Variants in PTK2 observed in about 807,000 individuals in gnomAD.
PTK2 encodes the protein focal adhesion kinase 1.
PTK2 carries 45 observed loss-of-function variants against 150.1 expected under a neutral mutation model. That is an observed-to-expected ratio of 0.30 (90% CI 0.24 to 0.38). PTK2 has a LOEUF of 0.38. Among genes scored for constraint, PTK2 ranks in the 10% least tolerant of loss-of-function variants. PTK2 has a pLI of 1.00. For synonymous variants in PTK2, 432 were observed against 449.2 expected, an observed-to-expected ratio of 0.96 and a Z score of 0.48; for missense variants, 919 against 1,307.3, an observed-to-expected ratio of 0.70 and a Z score of 4.58.
At chr8:140,944,436 C>G (rs1356451999) in intron 1 of PTK2, among the ~76,000 whole-genome samples, 1 of 152,214 alleles carries the variant, frequency 6.6e-6, no homozygotes, top group African/African-American at 2.4e-5. Flanking sequence ...CTAAGCTTTA[C>G]TGTAAGGAAA....
intron 3 of PTK2, among the ~76,000 whole-genome samples, chr8:140,880,325 C>G (rs1193840316): frequency 1.3e-5 from 2 of 152,198 alleles, no homozygotes; most frequent in African/African-American, 4.8e-5. Flanking sequence ...GGAATGTTCC[C>G]TAGAGATGGT....
chr8:140,962,713 G>A (rs1455961280), intron 1 of PTK2, among the ~76,000 whole-genome samples: 7 of 152,026 alleles, frequency 4.6e-5, no homozygotes, highest in East Asian at 1.9e-4. Flanking sequence ...TCGGGGAGGC[G>A]GAGCTTGCAG....
At chr8:140,774,123 A>T (rs2100077081) in intron 14 of PTK2, among the ~76,000 whole-genome samples, 1 of 152,212 alleles carries the variant, frequency 6.6e-6, no homozygotes, top group Admixed American at 6.5e-5. Context: ...TTGAAAAATG[A>T]CAGACGATGT....
At chr8:140,778,606 C>T (rs760442496) in intron 14 of PTK2, among the ~76,000 whole-genome samples, 9 of 152,194 alleles carry the variant, frequency 5.9e-5, no homozygotes, top group Non-Finnish European at 1.0e-4. Flanking sequence ...TGTGGTTGTG[C>T]TATTCGCTTT....
At chr8:140,660,149 C>G (rs1010874964) in intron 31 of PTK2, among the ~76,000 whole-genome samples, 1 of 152,156 alleles carries the variant, frequency 6.6e-6, no homozygotes, top group Admixed American at 6.5e-5. Flanking sequence ...CCATGACTAA[C>G]TTCGTCTCCA....
At chr8:140,669,316 T>TATATACAC (rs2094314332) in intron 29 of PTK2, 26 of 129,506 alleles carry the variant, frequency 2.0e-4, no homozygotes, top group African/African-American at 6.2e-4. Flanking sequence ...TATATATATA[T>TATATACAC]ATATATATAT....
exon 2 of PTK2, chr8:140,925,680 AG>A: frequency 1.0e-6 from 1 of 985,188 alleles, no homozygotes; most frequent in Non-Finnish European, 1.2e-6. Context: ...GTTATTCTTG[AG>A]GAGCTCTGGG....
At chr8:140,979,413 A>G (rs1459481041) in intron 1 of PTK2, among the ~76,000 whole-genome samples, 1 of 152,114 alleles carries the variant, frequency 6.6e-6, no homozygotes. Flanking sequence ...AAAAAAAAAA[A>G]AAGGCCAGAA....
At chr8:140,882,354 ACACG>A (rs898133289) in intron 3 of PTK2, among the ~76,000 whole-genome samples, 3 of 152,194 alleles carry the variant, frequency 2.0e-5, no homozygotes, top group African/African-American at 7.2e-5. Flanking sequence ...CATATCACAC[ACACG>A]TACATTTAGA....
intron 4 of PTK2, among the ~76,000 whole-genome samples, chr8:140,866,951 T>A (rs1346473221): frequency 6.6e-6 from 1 of 152,020 alleles, no homozygotes; most frequent in East Asian, 1.9e-4. Context: ...ATAAAGGAGA[T>A]GAGGAAGGGA....
chr8:140,962,536 C>T (rs941245544), intron 1 of PTK2, among the ~76,000 whole-genome samples: 2 of 152,184 alleles, frequency 1.3e-5, no homozygotes, highest in African/African-American at 4.8e-5. Flanking sequence ...ACAGTCATCA[C>T]ACCTGTAATC....
At chr8:140,702,520 T>C (rs1762552618) in intron 25 of PTK2, 50 bp downstream of exon 28, 1 of 1,594,754 alleles carries the variant, frequency 6.3e-7, no homozygotes, top group African/African-American at 1.3e-5. Context: ...ATGCCCAGCT[T>C]TGCCATGCTT....
At chr8:140,930,364 T>G (rs1219989339) in intron 1 of PTK2, among the ~76,000 whole-genome samples, 1 of 152,204 alleles carries the variant, frequency 6.6e-6, no homozygotes, top group Non-Finnish European at 1.5e-5. Flanking sequence ...TTAAAACTCC[T>G]TTATCTTCTG....
At chr8:140,954,766 T>C (rs2100180675) in intron 1 of PTK2, 1 of 152,204 alleles carries the variant, frequency 6.6e-6, no homozygotes, top group Admixed American at 6.5e-5. Context: ...ACAATAACTC[T>C]GAAGAAATCA....
intron 20 of PTK2, 84 bp downstream of exon 23, chr8:140,743,146 A>T (rs191997462): frequency 1.2e-6 from 1 of 852,190 alleles, no homozygotes; most frequent in East Asian, 2.5e-5. Context: ...GTCAAAGATC[A>T]GGTGAGCATA....
chr8:140,808,703 AAG>A (rs1490397838), intron 10 of PTK2, among the ~76,000 whole-genome samples: 2 of 151,838 alleles, frequency 1.3e-5, no homozygotes, highest in Non-Finnish European at 2.9e-5. Flanking sequence ...TATAATGAAA[AAG>A]AGAAATAAAA....
intron 23 of PTK2, among the ~76,000 whole-genome samples, chr8:140,708,968 C>CA (rs34259948): frequency 0.076 from 10,021 of 132,394 alleles, 938 homozygotes; most frequent in African/African-American, 0.24. Flanking sequence ...TAAATTCAGG[C>CA]AAAAAAAAAA....
chr8:140,937,233 T>C (rs1339050439), intron 1 of PTK2, among the ~76,000 whole-genome samples: 1 of 152,180 alleles, frequency 6.6e-6, no homozygotes, highest in Non-Finnish European at 1.5e-5. Flanking sequence ...GCAAAAAATA[T>C]GTTAAAGAAT....
chr8:140,878,460 C>T (rs951842293), intron 4 of PTK2, among the ~76,000 whole-genome samples: 4 of 152,064 alleles, frequency 2.6e-5, no homozygotes, highest in Non-Finnish European at 5.9e-5. Flanking sequence ...ATTAGCTGGG[C>T]GTGGCGGTCT....
Sources: allele counts gnomAD v4.1 joint callset (sites outside exome capture counted in the v4.1 genomes callset), GRCh38; gene constraint gnomAD v4.1.1; transcripts MANE v1.5; gene names NCBI Gene and HGNC (gene_info 2026-07-23, HGNC 2026-07-21).